The following PDZD9 variants were observed in gnomAD, a reference collection of about 807,000 sequenced individuals.
PDZD9 encodes PDZ domain containing 9, also known as PDZ domain-containing protein 9.
A neutral mutation model predicts 16.3 loss-of-function variants in PDZD9; 13 were observed. That is an observed-to-expected ratio of 0.80 (90% confidence interval 0.52 to 1.27). PDZD9 has a LOEUF of 1.27. Among genes scored for constraint, PDZD9 ranks in the 50% most tolerant of loss-of-function variants. PDZD9 has a pLI of 0.00. For missense variants in PDZD9, 288 were observed against 310.9 expected (o/e 0.93, Z 0.55); for synonymous variants, 120 against 111.0 (o/e 1.08, Z -0.51).
the PDZD9 span, chr16:21,961,246 T>C: frequency 2.6e-6 from 1 of 388,614 alleles, no homozygotes; most frequent in South Asian, 1.8e-5. Flanking sequence ...TCTGGTAATA[T>C]TGAAAAACCC....
At chr16:21,959,966 T>A in the PDZD9 span, among the ~76,000 whole-genome samples, 1 of 152,358 alleles carries the variant, frequency 6.6e-6, no homozygotes, top group Admixed American at 6.5e-5. Flanking sequence ...CAGGCTTTTT[T>A]GTTCATTTAC....
rs1898801724 is a variant in PDZD9, at chr16:21,983,946, A to G, written c.*321T>C. 2 of 188,246 alleles carry G rather than the reference A, an allele frequency of 1.1e-5. No homozygotes were observed. The highest frequency in any genetic ancestry group is 2.2e-5 in the Non-Finnish European group (2 of 92,692). 11.7% of individuals were successfully genotyped at this position (188,246 alleles called of 1,614,324 possible). A position where few individuals can be genotyped will look rare whatever the true frequency, so the allele number is the denominator to read the frequency against. On this transcript the variant is annotated 3_prime_UTR_variant, in exon 4 of 4. Transcript: ENST00000424898. ...AAACTAAATATTTAAAGAAAAATGT[A>G]GTGTTTACATAAAGTGACATTCTCT... is the stretch of plus-strand genomic sequence containing the variant.
the PDZD9 span, chr16:21,962,272 A>G: frequency 1.6e-6 from 1 of 617,340 alleles, no homozygotes; most frequent in East Asian, 2.8e-5. Flanking sequence ...TTAAGGTTGA[A>G]TTATTTGCTG....
the PDZD9 span, among the ~76,000 whole-genome samples, chr16:21,959,994 G>A: frequency 6.6e-6 from 1 of 152,198 alleles, no homozygotes; most frequent in Non-Finnish European, 1.5e-5. Flanking sequence ...AGGCAGAGTA[G>A]ATTTAGCATA....
intron 1 of PDZD9, among the ~76,000 whole-genome samples, chr16:22,000,263 A>T (rs2141966057): frequency 6.6e-6 from 1 of 152,264 alleles, no homozygotes; most frequent in African/African-American, 2.4e-5. Flanking sequence ...TTTTAATAAA[A>T]ATGAAAGGGC....
chr16:21,963,948 G>A, the PDZD9 span, among the ~76,000 whole-genome samples: 1 of 151,926 alleles, frequency 6.6e-6, no homozygotes, highest in East Asian at 1.9e-4. Context: ...CATATTTTAT[G>A]TTTATATAAT....
the PDZD9 span, among the ~76,000 whole-genome samples, chr16:21,963,974 C>A: frequency 2.0e-5 from 3 of 152,190 alleles, no homozygotes; most frequent in Non-Finnish European, 4.4e-5. Flanking sequence ...ATTATATAAT[C>A]TTGACAAGTA....
At chr16:21,973,749 T>G in the PDZD9 span, 3 of 674,682 alleles carry the variant, frequency 4.4e-6, no homozygotes, top group Middle Eastern at 3.9e-4. Flanking sequence ...ACAGAATACT[T>G]CAGTTCGTGA....
chr16:21,966,151 A>AG, the PDZD9 span, among the ~76,000 whole-genome samples: 13 of 109,562 alleles, frequency 1.2e-4, no homozygotes. Context: ...CTGTCTCTAC[A>AG]AAAAAAAAAT....
chr16:21,978,790 T>C, the PDZD9 span, among the ~76,000 whole-genome samples: 104 of 152,300 alleles, frequency 6.8e-4, no homozygotes, highest in Non-Finnish European at 1.3e-3. Context: ...ACCAAAAATA[T>C]GTTGAGTTTC....
chr16:21,979,332 G>A (rs1220687371), downstream of PDZD9, among the ~76,000 whole-genome samples: 2 of 152,130 alleles, frequency 1.3e-5, no homozygotes, highest in African/African-American at 4.8e-5. Context: ...GAAAACCATC[G>A]CAATTTCAGC....
chr16:21,963,051 C>G, the PDZD9 span: 18 of 863,674 alleles, frequency 2.1e-5, no homozygotes, highest in Admixed American at 4.9e-4. Context: ...TGCAGTGGCA[C>G]GATCTTGGCT....
chr16:21,980,986 T>C (rs532148644), downstream of PDZD9, among the ~76,000 whole-genome samples: 73 of 152,292 alleles, frequency 4.8e-4, no homozygotes, highest in Non-Finnish European at 8.5e-4. Flanking sequence ...GTGCATTTAA[T>C]ACACCTAACG....
At chr16:21,973,884 A>G in the PDZD9 span, 1 of 1,611,526 alleles carries the variant, frequency 6.2e-7, no homozygotes, top group East Asian at 2.2e-5. Flanking sequence ...GTAAAGTCTC[A>G]TTATCTTTCA....
Position 21,988,641 on chromosome 16 carries a change from ATTTC to A in PDZD9, c.358_361del (p.Glu120TyrfsTer4). On this transcript the variant is annotated frameshift_variant, in exon 3 of 4. Transcript: ENST00000424898. LOFTEE classifies it low-confidence loss of function (END_TRUNC). ...TTTGGCCTCAGGGATTAAATCATAT[ATTTC>A]TTGCCATTCTTCAGGAATGTTAATA... 1 of 1,613,150 alleles carries A rather than the reference ATTTC, an allele frequency of 6.2e-7. No individual in the cohort carries two copies. The highest frequency in any genetic ancestry group is 1.1e-5 in the South Asian group (1 of 90,986).
chr16:21,971,865 T>G, the PDZD9 span: 4 of 1,605,306 alleles, frequency 2.5e-6, no homozygotes, highest in South Asian at 4.4e-5. Flanking sequence ...TACTGGAGAA[T>G]GAAACCAATG....
chr16:21,989,886 C>T (rs568458621), intron 2 of PDZD9, among the ~76,000 whole-genome samples: 39 of 152,154 alleles, frequency 2.6e-4, no homozygotes, highest in African/African-American at 8.9e-4. Flanking sequence ...CCAACCTCCC[C>T]CATGTCCCCA....
rs142967478 is a variant in PDZD9, at chr16:21,993,084, G to A, written c.211+3238C>T. Among the ~76,000 whole-genome samples the A allele has an allele frequency of 3.4e-4, 52 of 152,226 alleles. No individual in the cohort carries two copies. In the East Asian group the frequency reaches 8.5e-3, roughly 25 times the overall value. On this transcript the variant is annotated intron_variant, in intron 2 of 3. Transcript: ENST00000424898. ...TTTCCTGAGGCCACCCCAGCCGTAC[G>A]GAACTGTGAGTCAATTAAACCTCCT...
chr16:21,960,103 C>T, the PDZD9 span, among the ~76,000 whole-genome samples: 1 of 152,188 alleles, frequency 6.6e-6, no homozygotes, highest in African/African-American at 2.4e-5. Flanking sequence ...TCGTTTGAAG[C>T]TTTGACGCCA....
Sources: allele counts gnomAD v4.1 joint callset (sites outside exome capture counted in the v4.1 genomes callset), GRCh38; gene constraint gnomAD v4.1.1; transcripts MANE v1.5; gene names NCBI Gene and HGNC (gene_info 2026-07-23, HGNC 2026-07-21).